MYO10: variants seen among roughly 807,000 people sequenced by gnomAD.
MYO10 encodes the protein unconventional myosin-X.
In MYO10, 133 loss-of-function variants were observed where a neutral mutation model predicts 257.3. The ratio of observed to expected loss-of-function variants is 0.52; its 90% CI spans 0.45 to 0.60. The LOEUF (loss-of-function observed/expected upper bound fraction) is 0.60, where lower values mean the gene tolerates loss of function less well. MYO10 is among the 20% of genes least tolerant of loss of function. MYO10 has a pLI of 0.00. For synonymous variants in MYO10, 1,104 were observed against 1,028.6 expected (o/e 1.07, Z -1.40); for missense variants, 2,399 against 2,635.7 (o/e 0.91, Z 1.97).
chr5:16,914,420 G>C (rs1453611843), intron 1 of MYO10, among the ~76,000 whole-genome samples: 1 of 152,224 alleles, frequency 6.6e-6, no homozygotes, highest in Non-Finnish European at 1.5e-5. Flanking sequence ...ATCAGTATCA[G>C]ATAGCGGTCA....
chr5:16,826,765 A>G (rs769643175), intron 2 of MYO10, among the ~76,000 whole-genome samples: 2 of 152,178 alleles, frequency 1.3e-5, no homozygotes, highest in African/African-American at 4.8e-5. Flanking sequence ...GTTTCTGGGG[A>G]TGTCGCTCTT....
At chr5:16,827,019 A>G (rs996864108) in intron 2 of MYO10, among the ~76,000 whole-genome samples, 8 of 152,188 alleles carry the variant, frequency 5.3e-5, no homozygotes, top group Non-Finnish European at 1.2e-4. Context: ...GCAACCAAGA[A>G]GAGTCTAAGA....
chr5:16,672,749 T>C lies in MYO10; in HGVS notation c.5249A>G (p.His1750Arg). The change falls in exon 37 of 41, where the codon CAC becomes CGC. Residue 1750 changes from histidine (H) to arginine (R), a missense_variant. Transcript: ENST00000513610. ...NMFALFEYNG[H>R]VDKAIESRTV... ...TCGACTTTCAATGGCTTTGTCGACG[T>C]GGCCGTTGTATTCAAACAAAGCAAA... The C allele has an allele frequency of 2.5e-6, 4 of 1,614,034 alleles. No individual in the cohort carries two copies. The highest frequency in any genetic ancestry group is 3.4e-6 in the Non-Finnish European group (4 of 1,179,892).
rs113334336 is a variant in MYO10, at chr5:16,776,012, C to A, written c.930+3533G>T. Among the ~76,000 whole-genome samples the A allele has an allele frequency of 2.6e-3, 393 of 152,254 alleles. 1 individual carries two copies. Among genetic ancestry groups the A allele is most frequent in the African/African-American group, 9.2e-3 (382 of 41,550 alleles). On this transcript the variant is annotated intron_variant, in intron 9 of 40. Coordinates refer to ENST00000513610, the MANE Select transcript of MYO10 (RefSeq NM_012334.3). ...CCAGACTCAAGCCATCCTCCCACCTCAGCCTCCCAAGTAGCTGGGTTTACA... is the reference window on the plus strand; with the variant it reads ...CCAGACTCAAGCCATCCTCCCACCTAAGCCTCCCAAGTAGCTGGGTTTACA...
chr5:16,818,216 T>C, intron 2 of MYO10, 49 bp from the exon 3 acceptor site: 2 of 1,380,214 alleles, frequency 1.4e-6, no homozygotes, highest in Non-Finnish European at 1.9e-6. Flanking sequence ...CAGTAAGTGA[T>C]TTTTCACACA....
intron 1 of MYO10, among the ~76,000 whole-genome samples, chr5:16,928,242 G>C (rs1318210704): frequency 6.6e-6 from 1 of 152,044 alleles, no homozygotes; most frequent in Non-Finnish European, 1.5e-5. Context: ...GTCTCCCTCT[G>C]TCACCCAGGC....
intron 19 of MYO10, among the ~76,000 whole-genome samples, chr5:16,742,557 C>T (rs771416411): frequency 1.6e-4 from 24 of 152,112 alleles, no homozygotes; most frequent in Non-Finnish European, 2.6e-4. Flanking sequence ...TGGTGGCTCA[C>T]GCCTATAATC....
chr5:16,843,963 TTTA>T (rs1419730462), intron 2 of MYO10, among the ~76,000 whole-genome samples: 1 of 152,172 alleles, frequency 6.6e-6, no homozygotes, highest in Non-Finnish European at 1.5e-5. Flanking sequence ...CTCATATTAT[TTTA>T]TTATAATTTC....
chr5:16,679,015 T>C (rs113706012), intron 33 of MYO10, among the ~76,000 whole-genome samples: 236 of 152,350 alleles, frequency 1.5e-3, no homozygotes, highest in African/African-American at 5.1e-3. Flanking sequence ...AGGGCTGCCA[T>C]GCAACCATTC....
In MYO10 at chr5:16,763,589, G is replaced by A. The variant is rs750825684; in HGVS notation, c.1428-42C>T. On this transcript the variant is annotated intron_variant, in intron 13 of 40. Coordinates refer to ENST00000513610, the MANE Select transcript of MYO10 (RefSeq NM_012334.3). ...AACAGCCAAGTTAAATGAAAACATA[G>A]CTTCAAAACGAATCTAGTTGCTGCT... 122 of 1,583,492 alleles carry A rather than the reference G, an allele frequency of 7.7e-5. 1 individual carries two copies. The South Asian group carries it at 1.3e-3, about 17-fold the overall frequency.
intron 1 of MYO10, among the ~76,000 whole-genome samples, chr5:16,904,284 C>G (rs1465558329): frequency 6.6e-6 from 1 of 152,144 alleles, no homozygotes; most frequent in Non-Finnish European, 1.5e-5. Context: ...ATCTAGTAGT[C>G]TGGGTAACCT....
At chr5:16,816,212 G>A (rs1164881360) in intron 3 of MYO10, among the ~76,000 whole-genome samples, 5 of 151,720 alleles carry the variant, frequency 3.3e-5, no homozygotes, top group South Asian at 4.2e-4. Context: ...GGTAGCACAC[G>A]CCTGTAGTCC....
At position 16,675,079 on chromosome 5, in the gene MYO10, C is replaced by G; in HGVS notation, c.4738G>C (p.Glu1580Gln). The G allele has an allele frequency of 3.7e-6, 6 of 1,613,900 alleles. No homozygotes were observed. The highest frequency in any genetic ancestry group is 5.1e-6 in the Non-Finnish European group (6 of 1,179,886). ...IKIFNSLQQL[E>Q]SMSDPIPIIQ... is the part of the protein sequence containing the mutation. ...ATTGGAATTGGGTCAGACATGGACT[C>G]CAGTTGCTGCAGGGAATTGAATATC... The change falls in exon 35 of 41, where the codon GAG becomes CAG. Residue 1580 changes from glutamate (E) to glutamine (Q), a missense_variant. This residue lies in a region of MYO10 where 1,820 missense variants were observed against 1,939.4 expected (regional missense o/e 0.94). Transcript: ENST00000513610.
At chr5:16,750,405 T>TG (rs1299691118) in intron 19 of MYO10, among the ~76,000 whole-genome samples, 3 of 150,782 alleles carry the variant, frequency 2.0e-5, no homozygotes, top group East Asian at 2.0e-4. Context: ...AAAACCCAAA[T>TG]TAAAAAAAAA....
intron 3 of MYO10, among the ~76,000 whole-genome samples, chr5:16,810,883 C>T (rs931435041): frequency 6.6e-6 from 1 of 152,102 alleles, no homozygotes; most frequent in Non-Finnish European, 1.5e-5. Context: ...GCCTGGCCAA[C>T]GTGGTGAAAC....
chr5:16,672,807 G>C lies in MYO10; in HGVS notation c.5191C>G (p.Arg1731Gly). 1 of 1,613,350 alleles carries C rather than the reference G, an allele frequency of 6.2e-7. No individual in the cohort carries two copies. ...CTGCTGTCCTCCATGGCCAGGCCTC[G>C]GATCAGCTTCTCCACCACCTGGAAG... The part of the protein sequence containing the change: ...TAGEVVEKLI[R>G]GLAMEDSRNM... The change falls in exon 37 of 41, where the codon CGA becomes GGA. Residue 1731 changes from arginine (R) to glycine (G), a missense_variant. Transcript: ENST00000513610.
At chr5:16,797,094 A>C (rs922365947) in intron 3 of MYO10, among the ~76,000 whole-genome samples, 6 of 152,246 alleles carry the variant, frequency 3.9e-5, no homozygotes, top group African/African-American at 1.4e-4. Context: ...AGGAACATCA[A>C]GCAAAGTATT....
chr5:16,890,253 G>A (rs140257710), intron 1 of MYO10, among the ~76,000 whole-genome samples: 1 of 151,790 alleles, frequency 6.6e-6, no homozygotes, highest in African/African-American at 2.4e-5. Flanking sequence ...CAAGAATGTG[G>A]AGAAACTAGA....
intron 3 of MYO10, among the ~76,000 whole-genome samples, chr5:16,810,665 G>A (rs761310975): frequency 2.0e-5 from 3 of 152,084 alleles, no homozygotes; most frequent in African/African-American, 4.8e-5. Context: ...GTGGTGGTGC[G>A]TGCCTGTAGT....
Sources: gnomAD v4.1 joint callset for allele counts (sites outside exome capture counted in the v4.1 genomes callset) on GRCh38, gnomAD v4.1.1 for gene constraint, gnomAD v4.1.1 regional missense constraint, MANE v1.5 for transcripts, NCBI Gene and HGNC (gene_info 2026-07-23, HGNC 2026-07-21) for gene names.